Variants in KCNJ6 observed in about 807,000 individuals in gnomAD.
KCNJ6 encodes G protein-activated inward rectifier potassium channel 2.
A neutral mutation model predicts 34.2 loss-of-function variants in KCNJ6; 9 were observed. The ratio of observed to expected loss-of-function variants is 0.26; its 90% CI spans 0.16 to 0.46. The LOEUF (loss-of-function observed/expected upper bound fraction) is 0.46, where lower values mean the gene tolerates loss of function less well. KCNJ6 is among the 20% of genes least tolerant of loss of function. The pLI is 1.00. For missense variants in KCNJ6, 236 were observed against 531.3 expected, an observed-to-expected ratio of 0.44 and a Z score of 5.46; for synonymous variants, 196 against 207.1, an observed-to-expected ratio of 0.95 and a Z score of 0.46.
At chr21:37,735,831 TGGGGAGAATTATTA>T (rs1017017415) in intron 2 of KCNJ6, among the ~76,000 whole-genome samples, 2 of 152,074 alleles carry the variant, frequency 1.3e-5, no homozygotes, top group Non-Finnish European at 2.9e-5. Context: ...GGGGCAGAGC[TGGGGAGAATTATTA>T]GGGGAGAAAG....
In KCNJ6 at chr21:37,896,922, A is replaced by G. The variant is rs201231844; in HGVS notation, c.-28+18962T>C. The stretch of plus-strand genomic sequence containing the variant: ...CCTGAGCTTCAAAAAGGAAAAGAAG[A>G]AATGAGTGCCCACAGCCAGGCTGCT... On this transcript the variant is annotated intron_variant, in intron 1 of 3. Coordinates refer to ENST00000609713, the MANE Select transcript of KCNJ6 (RefSeq NM_002240.5). 5.3e-5 allele frequency among the ~76,000 whole-genome samples: 8 copies of G among 152,270 alleles called. No individual in the cohort carries two copies. In the East Asian group the frequency reaches 1.4e-3, roughly 26 times the overall value.
At chr21:37,715,876 A>G (rs936734273) in intron 2 of KCNJ6, among the ~76,000 whole-genome samples, 10 of 152,154 alleles carry the variant, frequency 6.6e-5, no homozygotes, top group African/African-American at 2.4e-4. Flanking sequence ...ACGATGAGAA[A>G]ATAAATGTCC....
intron 1 of KCNJ6, among the ~76,000 whole-genome samples, chr21:37,914,929 T>TC (rs964488143): frequency 2.0e-5 from 3 of 147,454 alleles, no homozygotes; most frequent in Non-Finnish European, 4.5e-5. Context: ...TTTTTTTTTT[T>TC]CTCTTCCTTT....
chr21:37,715,839 C>T (rs1394617598), intron 2 of KCNJ6, among the ~76,000 whole-genome samples: 3 of 152,174 alleles, frequency 2.0e-5, no homozygotes, highest in Non-Finnish European at 4.4e-5. Context: ...CCTGCCAACA[C>T]CTTGATCTTG....
intron 2 of KCNJ6, among the ~76,000 whole-genome samples, chr21:37,770,292 G>T (rs765214814): frequency 1.3e-5 from 2 of 152,020 alleles, no homozygotes; most frequent in Non-Finnish European, 2.9e-5. Flanking sequence ...AAGTCACAGC[G>T]GGCTCCAAAG....
Position 37,772,321 on chromosome 21 carries a change from CT to C in KCNJ6, c.26-57191del, listed in dbSNP as rs367686282. Among the ~76,000 whole-genome samples, 950 of 152,136 alleles carry C rather than the reference CT, an allele frequency of 6.2e-3. 6 individuals are homozygous for C. The highest frequency in any genetic ancestry group is 0.031 in the Middle Eastern group (9 of 294). The stretch of plus-strand genomic sequence containing the variant: ...TTATACCAGTTGGTGAAGTGAAAAT[CT>C]TCTAGTTTGCTTATTTAGGGTTCAT... On this transcript the variant is annotated intron_variant, in intron 2 of 3. Transcript: ENST00000609713.
chr21:37,890,133 C>T (rs773102700), intron 1 of KCNJ6, among the ~76,000 whole-genome samples: 1 of 152,148 alleles, frequency 6.6e-6, no homozygotes, highest in African/African-American at 2.4e-5. Context: ...CTTTAATTGA[C>T]TCACAGTTCA....
intron 1 of KCNJ6, among the ~76,000 whole-genome samples, chr21:37,909,382 T>C (rs1417260135): frequency 3.3e-5 from 5 of 152,128 alleles, no homozygotes; most frequent in Non-Finnish European, 2.9e-5. Context: ...TTTTTTTTTT[T>C]TTGGAGACAG....
intron 3 of KCNJ6, among the ~76,000 whole-genome samples, chr21:37,665,241 G>C (rs145444009): frequency 2.6e-5 from 4 of 152,160 alleles, no homozygotes; most frequent in African/African-American, 9.7e-5. Flanking sequence ...TGGCACATAG[G>C]ATGCATTAAA....
intron 2 of KCNJ6, among the ~76,000 whole-genome samples, chr21:37,753,247 A>G (rs1471241440): frequency 6.6e-6 from 1 of 152,174 alleles, no homozygotes; most frequent in Non-Finnish European, 1.5e-5. Context: ...GAACCTGTCA[A>G]ACAACCCGAG....
Position 37,616,454 on chromosome 21 carries a change from T to C in KCNJ6, c.*8705A>G, listed in dbSNP as rs1465957904. On this transcript the variant is annotated 3_prime_UTR_variant, in exon 4 of 4. Transcript: ENST00000609713. ...GCTGCAAAGGACAAGAAGATCCCAC[T>C]GGACCAGTCCAGCTGTCCTTTCAGC... is the stretch of plus-strand genomic sequence containing the variant. 6.6e-6 allele frequency: 1 copy of C among 151,138 alleles called. No individual in the cohort carries two copies. Among genetic ancestry groups the C allele is most frequent in the East Asian group, 2.0e-4 (1 of 5,128 alleles). The allele number at this position is 151,138 out of a possible 1,614,324, so 9.4% of individuals were successfully genotyped here. A position where few individuals can be genotyped will look rare whatever the true frequency, so the allele number is the denominator to read the frequency against.
intron 2 of KCNJ6, among the ~76,000 whole-genome samples, chr21:37,785,488 A>C (rs2055188589): frequency 6.6e-6 from 1 of 152,142 alleles, no homozygotes; most frequent in Admixed American, 6.5e-5. Flanking sequence ...CTGTATTCTC[A>C]GTGTGTTGGG....
At chr21:37,822,062 A>T (rs1467011780) in intron 2 of KCNJ6, among the ~76,000 whole-genome samples, 2 of 152,210 alleles carry the variant, frequency 1.3e-5, no homozygotes, top group East Asian at 1.9e-4. Context: ...TATTTCTCAC[A>T]CTGCTTCAGG....
intron 2 of KCNJ6, among the ~76,000 whole-genome samples, chr21:37,740,967 A>G (rs569548188): frequency 1.3e-5 from 2 of 152,252 alleles, no homozygotes; most frequent in South Asian, 4.1e-4. Context: ...GTCCCCTTGA[A>G]TGTTGGGGGT....
intron 3 of KCNJ6, among the ~76,000 whole-genome samples, chr21:37,694,234 A>G (rs1442195790): frequency 6.6e-6 from 1 of 152,176 alleles, no homozygotes; most frequent in African/African-American, 2.4e-5. Flanking sequence ...GATTGGACCC[A>G]TGGATGGCCG....
In KCNJ6 at chr21:37,614,625, CAT is replaced by C. The variant is rs1491205089; in HGVS notation, c.*10532_*10533del. ...GCATGTCTGTATGCGTGTGTGTATG[CAT>C]ATGTCTGTGTGTGTATGCACGTGTG... On this transcript the variant is annotated 3_prime_UTR_variant, in exon 4 of 4. Coordinates refer to ENST00000609713, the MANE Select transcript of KCNJ6 (RefSeq NM_002240.5). 225 of 80,232 alleles carry C rather than the reference CAT, an allele frequency of 2.8e-3. No individual in the cohort carries two copies. Among genetic ancestry groups the C allele is most frequent in the Middle Eastern group, 0.01 (1 of 98 alleles). 5.0% of individuals were successfully genotyped at this position (80,232 alleles called of 1,614,324 possible).
chr21:37,718,148 C>CTGGGCCA (rs1283592563), intron 2 of KCNJ6, among the ~76,000 whole-genome samples: 1 of 152,170 alleles, frequency 6.6e-6, no homozygotes, highest in Non-Finnish European at 1.5e-5. Flanking sequence ...GTGTGTCTTC[C>CTGGGCCA]TGGGCCATTG....
intron 1 of KCNJ6, among the ~76,000 whole-genome samples, chr21:37,886,932 GTTTT>G (rs548644272): frequency 7.9e-6 from 1 of 127,050 alleles, no homozygotes; most frequent in Non-Finnish European, 1.7e-5. Context: ...ATCCAACCTT[GTTTT>G]TTTTTTTTTT....
intron 3 of KCNJ6, among the ~76,000 whole-genome samples, chr21:37,674,154 C>T (rs1048024040): frequency 1.3e-5 from 2 of 152,298 alleles, no homozygotes; most frequent in African/African-American, 4.8e-5. Context: ...ACCTTCAACC[C>T]AACCTGTCCC....
Sources: allele counts gnomAD v4.1 joint callset (sites outside exome capture counted in the v4.1 genomes callset), GRCh38; gene constraint gnomAD v4.1.1; transcripts MANE v1.5; gene names NCBI Gene and HGNC (gene_info 2026-07-23, HGNC 2026-07-21).